MGAT4C: variants seen among roughly 807,000 people sequenced by gnomAD.
MGAT4C encodes MGAT4 family member C, also known as alpha-1,3-mannosyl-glycoprotein 4-beta-N-acetylglucosaminyltransferase C.
MGAT4C carries 19 observed loss-of-function variants against 40.1 expected under a neutral mutation model. The ratio of observed to expected loss-of-function variants is 0.47; its 90% CI spans 0.33 to 0.70. The LOEUF (loss-of-function observed/expected upper bound fraction) is 0.70. Among genes scored for constraint, MGAT4C ranks in the 30% least tolerant of loss-of-function variants. The pLI, the probability that MGAT4C is intolerant of heterozygous loss-of-function variation, is 0.02. For synonymous variants in MGAT4C, 181 were observed against 187.1 expected, an observed-to-expected ratio of 0.97 and a Z score of 0.27; for missense variants, 491 against 563.2, an observed-to-expected ratio of 0.87 and a Z score of 1.30.
At chr12:86,663,687 G>A (rs1208914170) in intron 2 of MGAT4C, among the ~76,000 whole-genome samples, 1 of 152,136 alleles carries the variant, frequency 6.6e-6, no homozygotes, top group East Asian at 1.9e-4. Flanking sequence ...GGAGAAAGGG[G>A]AAAGTGAGGT....
intron 2 of MGAT4C, among the ~76,000 whole-genome samples, chr12:86,036,049 G>A (rs1257925524): frequency 6.7e-6 from 1 of 149,812 alleles, no homozygotes; most frequent in African/African-American, 2.4e-5. Flanking sequence ...AAATTGTCTT[G>A]GATATGCAGA....
intron 1 of MGAT4C, among the ~76,000 whole-genome samples, chr12:86,063,980 A>G (rs1894255038): frequency 1.3e-5 from 2 of 152,240 alleles, no homozygotes; most frequent in African/African-American, 4.8e-5. Context: ...CATCAATATT[A>G]GACAGATCAA....
chr12:86,620,631 T>G (rs1962606845), intron 2 of MGAT4C, among the ~76,000 whole-genome samples: 1 of 152,136 alleles, frequency 6.6e-6, no homozygotes, highest in African/African-American at 2.4e-5. Context: ...GTATGATGGA[T>G]AACGCTACAA....
intron 2 of MGAT4C, among the ~76,000 whole-genome samples, chr12:86,507,644 A>G (rs555092492): frequency 9.2e-5 from 14 of 152,306 alleles, no homozygotes; most frequent in Admixed American, 2.6e-4. Context: ...GGTGAGCAAG[A>G]AATCAGCTCA....
chr12:86,249,283 T>C (rs1493418), intron 1 of MGAT4C, among the ~76,000 whole-genome samples: 130,401 of 152,154 alleles, frequency 0.86, 55,957 homozygotes, highest in East Asian at 0.95. Context: ...AATTATGTCA[T>C]GTGTGACCCA....
chr12:86,175,455 C>T (rs1337306788), intron 1 of MGAT4C, among the ~76,000 whole-genome samples: 1 of 152,130 alleles, frequency 6.6e-6, no homozygotes, highest in Non-Finnish European at 1.5e-5. Context: ...CATCAGTTCT[C>T]ACATGGACCA....
intron 2 of MGAT4C, among the ~76,000 whole-genome samples, chr12:86,561,950 G>A (rs147412107): frequency 1.7e-3 from 261 of 152,240 alleles, no homozygotes; most frequent in African/African-American, 5.9e-3. Context: ...TGATAGTCCT[G>A]GGCATGAACT....
chr12:86,112,166 T>C (rs955489827), intron 1 of MGAT4C, among the ~76,000 whole-genome samples: 9 of 151,746 alleles, frequency 5.9e-5, no homozygotes, highest in African/African-American at 2.4e-5. Flanking sequence ...ATAATAGTTA[T>C]TGAAGTGAGA....
rs560932838 is a variant in MGAT4C, at chr12:86,183,743, A to G, written c.-57+72496T>C. On this transcript the variant is annotated intron_variant, in intron 1 of 4. Coordinates refer to ENST00000611864, the MANE Select transcript of MGAT4C (RefSeq NM_001351288.2). ...ACTTACATACTGGCTTGACCTTACC[A>G]TGCTGTATGCATGCAAAAAGAGAGA... is the stretch of plus-strand genomic sequence containing the variant. 2.3e-3 allele frequency among the ~76,000 whole-genome samples: 352 copies of G among 152,232 alleles called. 1 individual carries two copies. Among genetic ancestry groups the G allele is most frequent in the South Asian group, 0.012 (57 of 4,820 alleles).
rs569530094 is a variant in MGAT4C, at chr12:86,303,123, C to T, written c.-57+30942G>A. ...TCTCACTGTAACTCAACATTTTAAC[C>T]TCCATCCTTTGTGGAGCTAATTTTA... On this transcript the variant is annotated intron_variant, in intron 4 of 7. Transcript: ENST00000548651. 1.9e-4 allele frequency among the ~76,000 whole-genome samples: 28 copies of T among 150,540 alleles called. 2 individuals are homozygous for T. In the South Asian group the frequency reaches 4.0e-3, roughly 21 times the overall value.
chr12:86,636,431 A>G (rs1395428518), intron 2 of MGAT4C, among the ~76,000 whole-genome samples: 1 of 152,030 alleles, frequency 6.6e-6, no homozygotes, highest in East Asian at 1.9e-4. Context: ...TTGAAGTTCG[A>G]TCTACCTATA....
At chr12:86,064,070 T>C (rs951640137) in intron 1 of MGAT4C, among the ~76,000 whole-genome samples, 2 of 152,190 alleles carry the variant, frequency 1.3e-5, no homozygotes, top group Admixed American at 1.3e-4. Context: ...TCTACAGAAC[T>C]CTGGACCCCA....
At chr12:86,781,899 A>G (rs995897198) in intron 1 of MGAT4C, among the ~76,000 whole-genome samples, 3 of 147,350 alleles carry the variant, frequency 2.0e-5, no homozygotes, top group African/African-American at 4.9e-5. Flanking sequence ...GTTTTTATAC[A>G]AAAATTAAAA....
intron 4 of MGAT4C, among the ~76,000 whole-genome samples, chr12:86,316,079 C>CAA (rs71076185): frequency 1.5e-4 from 5 of 34,062 alleles, no homozygotes; most frequent in Non-Finnish European, 2.0e-4. Flanking sequence ...ATACAAGCAG[C>CAA]AAAAAAAAAA....
chr12:86,213,129 T>A (rs889249867), intron 1 of MGAT4C, among the ~76,000 whole-genome samples: 5 of 152,108 alleles, frequency 3.3e-5, no homozygotes, highest in African/African-American at 1.2e-4. Context: ...TGCTGAGGGA[T>A]AAGAGAATTT....
intron 2 of MGAT4C, among the ~76,000 whole-genome samples, chr12:86,641,846 T>C (rs1278367160): frequency 6.6e-6 from 1 of 151,910 alleles, no homozygotes; most frequent in Non-Finnish European, 1.5e-5. Context: ...TAAAGATATA[T>C]CATTAAGTGA....
At chr12:86,112,994 C>A (rs184716786) in intron 1 of MGAT4C, among the ~76,000 whole-genome samples, 1 of 151,570 alleles carries the variant, frequency 6.6e-6, no homozygotes, top group East Asian at 1.9e-4. Context: ...GAAAATATAA[C>A]TGAAGCTGGA....
chr12:85,983,339 T>G (rs1592602435), intron 4 of MGAT4C, among the ~76,000 whole-genome samples, 184 bp downstream of exon 4: 1 of 152,280 alleles, frequency 6.6e-6, no homozygotes, highest in Middle Eastern at 3.4e-3. Context: ...ATTTTTTTGT[T>G]ATTAAGTGTA....
chr12:85,982,438 C>T (rs1465356779), intron 4 of MGAT4C, among the ~76,000 whole-genome samples: 1 of 152,180 alleles, frequency 6.6e-6, no homozygotes, highest in Non-Finnish European at 1.5e-5. Flanking sequence ...ATACACTTGC[C>T]TTGGCCTCCC....
Sources: gnomAD v4.1 joint callset for allele counts (sites outside exome capture counted in the v4.1 genomes callset) on GRCh38, gnomAD v4.1.1 for gene constraint, MANE v1.5 for transcripts, NCBI Gene and HGNC (gene_info 2026-07-23, HGNC 2026-07-21) for gene names.